IRF8: variants seen among roughly 807,000 people sequenced by gnomAD.
IRF8 encodes the protein interferon consensus sequence binding protein 1.
A neutral mutation model predicts 48.7 loss-of-function variants in IRF8; 14 were observed. The ratio of observed to expected loss-of-function variants is 0.29; its 90% CI spans 0.19 to 0.45. The LOEUF (loss-of-function observed/expected upper bound fraction) is 0.45. IRF8 is among the 20% of genes least tolerant of loss of function. IRF8 has a pLI of 1.00. For synonymous variants in IRF8, 278 were observed against 227.3 expected (o/e 1.22, Z -2.01); for missense variants, 493 against 580.7 (o/e 0.85, Z 1.55).
chr16:85,918,849 G>GC (rs757273982), intron 7 of IRF8, 46 bp downstream of exon 7: 22 of 1,598,604 alleles, frequency 1.4e-5, no homozygotes, highest in Non-Finnish European at 1.9e-5. Context: ...TAGAGATCAC[G>GC]CCTCCTATCT....
chr16:85,916,685 G>A (rs1185955435), intron 6 of IRF8, among the ~76,000 whole-genome samples: 1 of 152,218 alleles, frequency 6.6e-6, no homozygotes, highest in East Asian at 1.9e-4. Flanking sequence ...ACAGGGCAAA[G>A]GGCCAAAGGG....
At chr16:85,916,510 TA>T (rs1905310998) in intron 6 of IRF8, among the ~76,000 whole-genome samples, 1 of 152,140 alleles carries the variant, frequency 6.6e-6, no homozygotes, top group Non-Finnish European at 1.5e-5. Context: ...ACCTGTCAGG[TA>T]CAAGCCTGAC....
intron 1 of IRF8, 130 bp from the exon 2 acceptor site, chr16:85,902,885 A>C: frequency 1.0e-6 from 1 of 961,168 alleles, no homozygotes; most frequent in Non-Finnish European, 1.7e-6. Flanking sequence ...GGAGTCCCTG[A>C]ATCTGTGGGT....
chr16:85,914,341 C>T (rs1231925783), intron 5 of IRF8, 132 bp from the exon 6 acceptor site: 7 of 957,250 alleles, frequency 7.3e-6, no homozygotes, highest in Non-Finnish European at 1.0e-5. Context: ...TCAGCGGAAG[C>T]CTGTGCTCCC....
At chr16:85,899,472 C>T (rs1904752807) in intron 1 of IRF8, among the ~76,000 whole-genome samples, 1 of 152,152 alleles carries the variant, frequency 6.6e-6, no homozygotes, top group Non-Finnish European at 1.5e-5. Flanking sequence ...TTTTAAAAAT[C>T]TCATTTTTCT....
intron 2 of IRF8, 96 bp from the exon 3 acceptor site, chr16:85,908,894 T>A (rs537941768): frequency 9.4e-7 from 1 of 1,059,270 alleles, no homozygotes; most frequent in African/African-American, 1.6e-5. Flanking sequence ...CAAAGATTCA[T>A]GGGAAGGGAA....
intron 8 of IRF8, among the ~76,000 whole-genome samples, 189 bp downstream of exon 8, chr16:85,920,413 A>G (rs567676884): frequency 1.3e-5 from 2 of 151,990 alleles, no homozygotes; most frequent in African/African-American, 4.8e-5. Context: ...CGCTCAGCTA[A>G]TTTTTTGTAT....
At chr16:85,901,508 C>T (rs916218694) in intron 1 of IRF8, among the ~76,000 whole-genome samples, 2 of 152,118 alleles carry the variant, frequency 1.3e-5, no homozygotes, top group East Asian at 3.8e-4. Flanking sequence ...GTTCCAGGTA[C>T]TCAAGGGGCT....
chr16:85,906,817 G>A (rs1422917095), intron 2 of IRF8, among the ~76,000 whole-genome samples: 1 of 152,156 alleles, frequency 6.6e-6, no homozygotes, highest in African/African-American at 2.4e-5. Flanking sequence ...AGCTAGGGGA[G>A]GGGTGCTATT....
intron 1 of IRF8, among the ~76,000 whole-genome samples, chr16:85,901,971 G>T (rs1904840197): frequency 1.3e-5 from 2 of 151,696 alleles, no homozygotes; most frequent in African/African-American, 4.9e-5. Context: ...CTGTCTTGGG[G>T]ATTTCCAGCA....
At chr16:85,913,289 G>A (rs963378300) in intron 5 of IRF8, 53 bp downstream of exon 5, 1 of 1,277,208 alleles carries the variant, frequency 7.8e-7, no homozygotes. Flanking sequence ...AGGGTTTACG[G>A]CATTCCACCA....
chr16:85,909,237 G>GACCC, intron 3 of IRF8, 64 bp downstream of exon 3: 5 of 1,414,662 alleles, frequency 3.5e-6, no homozygotes, highest in Non-Finnish European at 5.0e-6. Context: ...CTTCACCACA[G>GACCC]AACTTGGGTC....
At chr16:85,920,740 G>A (rs183723261) in intron 8 of IRF8, among the ~76,000 whole-genome samples, 89 of 152,326 alleles carry the variant, frequency 5.8e-4, no homozygotes, top group African/African-American at 2.0e-3. Context: ...GTCTGTGTGT[G>A]TGTGTTTTCT....
chr16:85,901,880 T>C (rs1051380834), intron 1 of IRF8, among the ~76,000 whole-genome samples: 1 of 152,132 alleles, frequency 6.6e-6, no homozygotes, highest in African/African-American at 2.4e-5. Flanking sequence ...TGTTTCAAAC[T>C]CGTTTGCCCA....
At chr16:85,911,751 C>T (rs998383470) in intron 4 of IRF8, 93 bp downstream of exon 4, 5 of 1,048,998 alleles carry the variant, frequency 4.8e-6, no homozygotes, top group East Asian at 4.9e-5. Context: ...TGTATGAAGG[C>T]AGCCAGACCC....
At chr16:85,916,567 A>G (rs1043685560) in intron 6 of IRF8, among the ~76,000 whole-genome samples, 1 of 152,148 alleles carries the variant, frequency 6.6e-6, no homozygotes, top group East Asian at 1.9e-4. Context: ...GTGTGTGGTC[A>G]CTAAGACACT....
chr16:85,920,389 G>GGT, intron 8 of IRF8, among the ~76,000 whole-genome samples, 165 bp downstream of exon 8: 1 of 152,184 alleles, frequency 6.6e-6, no homozygotes, highest in East Asian at 1.9e-4. Flanking sequence ...TGGGACTACA[G>GGT]GCCCGTGCCA....
intron 3 of IRF8, chr16:85,909,620 G>A (rs1017787462): frequency 3.2e-5 from 7 of 219,272 alleles, no homozygotes; most frequent in African/African-American, 1.4e-4. Context: ...ATATGCCTCA[G>A]TGTGTTACTA....
chr16:85,905,359 CG>C (rs202104886), intron 2 of IRF8, among the ~76,000 whole-genome samples: 1 of 152,118 alleles, frequency 6.6e-6, no homozygotes, highest in Admixed American at 6.5e-5. Context: ...AACTTGTGCT[CG>C]GGGGGTAATG....
Sources: gnomAD v4.1 joint callset for allele counts (sites outside exome capture counted in the v4.1 genomes callset) on GRCh38, gnomAD v4.1.1 for gene constraint, MANE v1.5 for transcripts, NCBI Gene and HGNC (gene_info 2026-07-23, HGNC 2026-07-21) for gene names.